CALN1: variants seen among roughly 807,000 people sequenced by gnomAD.
The protein encoded by CALN1 is calneuron 1, also known as calcium-binding protein 8.
CALN1 carries 17 observed loss-of-function variants against 30.6 expected under a neutral mutation model. That is an observed-to-expected ratio of 0.56 (90% CI 0.38 to 0.83). The LOEUF (loss-of-function observed/expected upper bound fraction) is 0.83, where lower values mean the gene tolerates loss of function less well. Among genes scored for constraint, CALN1 ranks in the 40% least tolerant of loss-of-function variants. CALN1 has a pLI of 0.00. For missense variants in CALN1, 291 were observed against 354.9 expected (o/e 0.82, Z 1.45); for synonymous variants, 156 against 131.4 (o/e 1.19, Z -1.28).
chr7:72,413,056 G>C (rs1807277227), upstream of CALN1, among the ~76,000 whole-genome samples: 1 of 152,168 alleles, frequency 6.6e-6, no homozygotes, highest in Admixed American at 6.5e-5. Flanking sequence ...CTCACCCGGG[G>C]GGTTTGCACT....
At chr7:71,951,181 G>A (rs1032376146) in intron 5 of CALN1, among the ~76,000 whole-genome samples, 8 of 152,100 alleles carry the variant, frequency 5.3e-5, no homozygotes, top group African/African-American at 1.9e-4. Flanking sequence ...CTGCCTCTAG[G>A]GCACAACACC....
chr7:72,190,882 A>C (rs1790548236), intron 3 of CALN1, among the ~76,000 whole-genome samples: 1 of 152,172 alleles, frequency 6.6e-6, no homozygotes, highest in South Asian at 2.1e-4. Flanking sequence ...TCTTTATTTA[A>C]AGCTCAAAAC....
At chr7:71,857,403 T>C (rs1336679644) in intron 5 of CALN1, among the ~76,000 whole-genome samples, 1 of 152,214 alleles carries the variant, frequency 6.6e-6, no homozygotes, top group East Asian at 1.9e-4. Flanking sequence ...GAATTCACCC[T>C]GTGAGTCAAA....
At chr7:72,140,286 G>C (rs950601258) in intron 3 of CALN1, among the ~76,000 whole-genome samples, 6 of 136,798 alleles carry the variant, frequency 4.4e-5, no homozygotes, top group African/African-American at 1.4e-4. Flanking sequence ...AAGAGAGAGA[G>C]AGAGAGAGAG....
rs74785337 is a variant in CALN1 at position 72,434,884 on chromosome 7, G to A, written c.-226+12158C>T. ...CTTGCTGATGAAGCAATCCAGAAAT[G>A]GCCCTAGCTGAGCTAAGAAAAATTT... is the stretch of plus-strand genomic sequence containing the variant. On this transcript the variant is annotated intron_variant, in intron 1 of 6. Transcript: ENST00000395276. Among the ~76,000 whole-genome samples, 3,305 of 152,272 alleles carry A rather than the reference G, an allele frequency of 0.022. 359 individuals are homozygous for A. In the East Asian group the frequency reaches 0.35, roughly 16 times the overall value.
At chr7:72,347,277 C>T (rs1802699277) in intron 2 of CALN1, among the ~76,000 whole-genome samples, 1 of 150,918 alleles carries the variant, frequency 6.6e-6, no homozygotes, top group African/African-American at 2.4e-5. Flanking sequence ...GACGGAGTTC[C>T]CCTCTTTTTG....
chr7:72,107,958 T>G (rs910456595), intron 3 of CALN1, among the ~76,000 whole-genome samples: 2 of 152,186 alleles, frequency 1.3e-5, no homozygotes, highest in Non-Finnish European at 2.9e-5. Flanking sequence ...CCGCACTGAA[T>G]ATCTGACCAT....
intron 2 of CALN1, among the ~76,000 whole-genome samples, chr7:72,281,200 C>T (rs904618466): frequency 6.6e-6 from 1 of 152,030 alleles, no homozygotes; most frequent in Non-Finnish European, 1.5e-5. Context: ...CTCTCTAACA[C>T]TCATGCTCTC....
intron 2 of CALN1, among the ~76,000 whole-genome samples, chr7:72,342,890 G>A (rs907547693): frequency 1.3e-5 from 2 of 152,076 alleles, no homozygotes; most frequent in East Asian, 1.9e-4. Context: ...CATGTTGGAA[G>A]GTAAAATTTT....
intron 2 of CALN1, chr7:72,336,635 C>G (rs1307353089): frequency 1.0e-6 from 1 of 955,652 alleles, no homozygotes; most frequent in Non-Finnish European, 1.2e-6. Flanking sequence ...TAGAGAGAAG[C>G]GAGGACCGAG....
upstream of CALN1, among the ~76,000 whole-genome samples, chr7:72,451,375 AAG>A (rs1808660650): frequency 1.5e-5 from 2 of 131,142 alleles, no homozygotes; most frequent in African/African-American, 5.7e-5. Flanking sequence ...AAAAATAAGA[AAG>A]AAGAAGGAGG....
chr7:72,219,234 T>G (rs1443946890), intron 3 of CALN1, among the ~76,000 whole-genome samples: 1 of 152,090 alleles, frequency 6.6e-6, no homozygotes, highest in Non-Finnish European at 1.5e-5. Context: ...TTTTTCTTCA[T>G]TTTCTTAAGA....
intron 2 of CALN1, among the ~76,000 whole-genome samples, chr7:72,281,610 C>A (rs1031785906): frequency 2.6e-5 from 4 of 152,212 alleles, no homozygotes; most frequent in African/African-American, 9.6e-5. Context: ...TCTTCACAAG[C>A]ATGGAAAGAC....
At chr7:72,234,140 A>G (rs1794310214) in intron 3 of CALN1, among the ~76,000 whole-genome samples, 1 of 152,228 alleles carries the variant, frequency 6.6e-6, no homozygotes, top group African/African-American at 2.4e-5. Flanking sequence ...TGCCATGGAC[A>G]GTTTCAATCT....
intron 2 of CALN1, among the ~76,000 whole-genome samples, chr7:72,352,735 C>T (rs1006062734): frequency 6.6e-6 from 1 of 150,470 alleles, no homozygotes; most frequent in Non-Finnish European, 1.5e-5. Context: ...ACTTAAAAAG[C>T]TAAAAAGAGA....
Position 71,786,053 on chromosome 7 carries a change from G to T in CALN1, c.*1722C>A, listed in dbSNP as rs1053781972. ...CTCCCACAGAGGGAAAGTTTCTACA[G>T]CTGCCCTCAGGCTGTTGCCAGTAGC... On this transcript the variant is annotated 3_prime_UTR_variant, in exon 7 of 7. Coordinates refer to ENST00000395275, the MANE Select transcript of CALN1 (RefSeq NM_031468.4). 1.3e-5 allele frequency: 2 copies of T among 152,670 alleles called. No homozygotes were observed. The highest frequency in any genetic ancestry group is 2.9e-5 in the Non-Finnish European group (2 of 68,058). 9.5% of individuals were successfully genotyped at this position (152,670 alleles called of 1,614,324 possible). A position where few individuals can be genotyped will look rare whatever the true frequency, so the allele number is the denominator to read the frequency against.
chr7:72,284,014 T>A (rs1797908138), intron 2 of CALN1, among the ~76,000 whole-genome samples: 1 of 152,176 alleles, frequency 6.6e-6, no homozygotes, highest in Non-Finnish European at 1.5e-5. Context: ...GAAGAGGCCA[T>A]GTATGGTGCC....
chr7:72,271,217 C>G (rs1026044740), intron 3 of CALN1, among the ~76,000 whole-genome samples: 3 of 151,946 alleles, frequency 2.0e-5, no homozygotes, highest in Non-Finnish European at 4.4e-5. Flanking sequence ...GGTACTAGGT[C>G]TAAAATCCAA....
At chr7:72,378,137 T>C (rs1804677071) in intron 2 of CALN1, among the ~76,000 whole-genome samples, 1 of 152,200 alleles carries the variant, frequency 6.6e-6, no homozygotes. Flanking sequence ...GTTTCAGCAC[T>C]GGGTGATTTC....
Sources: allele counts gnomAD v4.1 joint callset (sites outside exome capture counted in the v4.1 genomes callset), GRCh38; gene constraint gnomAD v4.1.1; transcripts MANE v1.5; gene names NCBI Gene and HGNC (gene_info 2026-07-23, HGNC 2026-07-21).